Variants in CIB1 observed in about 807,000 individuals in gnomAD.
CIB1 encodes the protein calcium and integrin-binding protein 1.
Under a neutral mutation model 25.0 loss-of-function variants are expected in CIB1, and 19 were observed. The observed-to-expected ratio is 0.76, with a 90% confidence interval of 0.53 to 1.12. The LOEUF (loss-of-function observed/expected upper bound fraction) is 1.12, where lower values mean the gene tolerates loss of function less well. CIB1 is among the 50% of genes most tolerant of loss of function. CIB1 has a pLI of 0.00. For synonymous variants in CIB1, 104 were observed against 98.5 expected, an observed-to-expected ratio of 1.06 and a Z score of -0.33; for missense variants, 236 against 242.6, an observed-to-expected ratio of 0.97 and a Z score of 0.18.
At chr15:90,264,777 C>T in the CIB1 span, 4 of 1,536,084 alleles carry the variant, frequency 2.6e-6, no homozygotes, top group Non-Finnish European at 3.5e-6. Flanking sequence ...GGATCAGTGC[C>T]ACCCACTTTA....
the CIB1 span, among the ~76,000 whole-genome samples, chr15:90,248,168 G>A: frequency 6.6e-6 from 1 of 152,066 alleles, no homozygotes; most frequent in Non-Finnish European, 1.5e-5. Context: ...AGTCTTCCTA[G>A]TAGCTGGGAC....
the CIB1 span, chr15:90,257,301 CTCT>C: frequency 6.3e-7 from 1 of 1,597,704 alleles, no homozygotes; most frequent in South Asian, 1.1e-5. Context: ...CTGGGAAGCA[CTCT>C]TCTTTTCCAC....
the CIB1 span, chr15:90,241,829 A>G: frequency 8.7e-6 from 14 of 1,614,044 alleles, no homozygotes; most frequent in South Asian, 1.4e-4. Context: ...CAGCCCTCAC[A>G]GGGGTCCGAG....
At chr15:90,265,278 G>C in the CIB1 span, 1 of 1,239,162 alleles carries the variant, frequency 8.1e-7, no homozygotes, top group East Asian at 4.4e-5. Flanking sequence ...CCCGGGGCTG[G>C]AGGCCATCCA....
At chr15:90,250,253 G>A in the CIB1 span, among the ~76,000 whole-genome samples, 3 of 152,068 alleles carry the variant, frequency 2.0e-5, no homozygotes, top group Admixed American at 6.6e-5. Flanking sequence ...ATTTTAAAGC[G>A]AAGGTCCCCC....
the CIB1 span, chr15:90,257,228 G>C: frequency 1.2e-6 from 2 of 1,613,926 alleles, no homozygotes; most frequent in Non-Finnish European, 1.7e-6. Context: ...ATATGAGGAG[G>C]GCCTAGCCCG....
chr15:90,264,823 A>G, the CIB1 span: 1 of 1,536,144 alleles, frequency 6.5e-7, no homozygotes, highest in Non-Finnish European at 8.7e-7. Context: ...AACCGGAAAG[A>G]GTGGCATCTG....
chr15:90,258,584 C>T, the CIB1 span: 1 of 655,808 alleles, frequency 1.5e-6, no homozygotes, highest in Non-Finnish European at 2.6e-6. Context: ...TTGGAGATCT[C>T]TATGGCAGAG....
chr15:90,261,972 C>A, the CIB1 span: 44 of 1,498,552 alleles, frequency 2.9e-5, no homozygotes, highest in Non-Finnish European at 3.8e-5. Context: ...TTCCCACAGC[C>A]CTACTCTTGA....
At chr15:90,247,221 G>A in the CIB1 span, among the ~76,000 whole-genome samples, 2 of 151,136 alleles carry the variant, frequency 1.3e-5, no homozygotes, top group Admixed American at 6.6e-5. Context: ...TGATCCACCT[G>A]CCTCAGCCTC....
At chr15:90,231,313 C>A (rs771284505) in intron 4 of CIB1, 44 bp downstream of exon 4, 1 of 1,608,928 alleles carries the variant, frequency 6.2e-7, no homozygotes, top group East Asian at 2.2e-5. Context: ...ACAAAGCCCA[C>A]GTGGGAAGGG....
the CIB1 span, among the ~76,000 whole-genome samples, chr15:90,256,593 C>CT: frequency 2.6e-5 from 1 of 39,056 alleles, no homozygotes; most frequent in Non-Finnish European, 5.0e-5. Flanking sequence ...TTCTTTCTTT[C>CT]TTTCTTTCTT....
At chr15:90,260,643 G>T in the CIB1 span, among the ~76,000 whole-genome samples, 413 of 152,234 alleles carry the variant, frequency 2.7e-3, 1 homozygote, top group African/African-American at 8.8e-3. Context: ...AGGAGGTCAA[G>T]AGATCAAGAC....
At chr15:90,238,116 A>G (rs1014194950), upstream of CIB1, among the ~76,000 whole-genome samples, 4 of 152,182 alleles carry the variant, frequency 2.6e-5, no homozygotes, top group African/African-American at 7.2e-5. Flanking sequence ...CCTGGCCAAC[A>G]TGGTGAAACC....
In CIB1 at chr15:90,233,824, G is replaced by A. The variant is rs1020509368; in HGVS notation, c.51+11C>T. On this transcript the variant is annotated intron_variant, in intron 1 of 6. Coordinates refer to ENST00000328649, the MANE Select transcript of CIB1 (RefSeq NM_006384.4). ...GCACGCGAGCTCCCCAGGGCCAGGC[G>A]TCCCGCGCACCTGGTACTCGGCCAG... 1.7e-5 allele frequency: 26 copies of A among 1,544,648 alleles called. No homozygotes were observed. Among genetic ancestry groups the A allele is most frequent in the Non-Finnish European group, 2.2e-5 (25 of 1,144,514 alleles).
chr15:90,237,725 T>C (rs1390272954), upstream of CIB1, among the ~76,000 whole-genome samples: 1 of 152,198 alleles, frequency 6.6e-6, no homozygotes, highest in Non-Finnish European at 1.5e-5. Flanking sequence ...TTTTTTGGTT[T>C]TGTATTATTT....
At chr15:90,241,839 G>T in the CIB1 span, 1 of 1,614,220 alleles carries the variant, frequency 6.2e-7, no homozygotes, top group Non-Finnish European at 8.5e-7. Flanking sequence ...AGGGGTCCGA[G>T]TAATTCTGTG....
At chr15:90,247,195 C>T in the CIB1 span, among the ~76,000 whole-genome samples, 3 of 150,292 alleles carry the variant, frequency 2.0e-5, no homozygotes, top group African/African-American at 7.5e-5. Flanking sequence ...AGGCTGGTCT[C>T]GAACTCCTGA....
At chr15:90,247,286 CTTTTCTT>C in the CIB1 span, among the ~76,000 whole-genome samples, 10 of 146,472 alleles carry the variant, frequency 6.8e-5, no homozygotes, top group Admixed American at 3.4e-4. Flanking sequence ...TTTTTCTTTT[CTTTTCTT>C]TTTTCTTTTT....
Sources: allele counts gnomAD v4.1 joint callset (sites outside exome capture counted in the v4.1 genomes callset), GRCh38; gene constraint gnomAD v4.1.1; transcripts MANE v1.5; gene names NCBI Gene and HGNC (gene_info 2026-07-23, HGNC 2026-07-21).